CMPK2: variants seen among roughly 807,000 people sequenced by gnomAD.
CMPK2 encodes UMP-CMP kinase 2, mitochondrial.
Under a neutral mutation model 33.4 loss-of-function variants are expected in CMPK2, and 32 were observed. The observed-to-expected ratio is 0.96, with a 90% CI of 0.72 to 1.29. CMPK2 has a LOEUF of 1.29. Among genes scored for constraint, CMPK2 ranks in the 50% most tolerant of loss-of-function variants. The pLI is 0.00. For missense variants in CMPK2, 672 were observed against 616.0 expected (o/e 1.09, Z -0.96); for synonymous variants, 299 against 275.3 (o/e 1.09, Z -0.85).
downstream of CMPK2, among the ~76,000 whole-genome samples, chr2:6,846,905 A>G (rs577799849): frequency 6.6e-6 from 1 of 152,360 alleles, no homozygotes; most frequent in Admixed American, 6.5e-5. Flanking sequence ...AATCTTACCA[A>G]TGCACCAAGA....
chr2:6,853,210 A>G (rs1447554325), intron 3 of CMPK2, among the ~76,000 whole-genome samples: 2 of 152,156 alleles, frequency 1.3e-5, no homozygotes, highest in Non-Finnish European at 2.9e-5. Context: ...TTGGCCTCTC[A>G]AAGTGCTGGA....
upstream of CMPK2, chr2:6,866,261 C>T (rs1286123621): frequency 4.0e-5 from 9 of 222,734 alleles, no homozygotes; most frequent in South Asian, 1.2e-4. Context: ...GGGCTCCCTC[C>T]CCGACCTCAA....
At chr2:6,859,706 G>T (rs1662817224) in intron 3 of CMPK2, among the ~76,000 whole-genome samples, 1 of 152,246 alleles carries the variant, frequency 6.6e-6, no homozygotes, top group Non-Finnish European at 1.5e-5. Context: ...TGTCCAGGCA[G>T]AAGTTTGCTA....
chr2:6,860,663 G>A (rs377369759), intron 3 of CMPK2, among the ~76,000 whole-genome samples: 60 of 152,268 alleles, frequency 3.9e-4, no homozygotes, highest in Non-Finnish European at 7.5e-4. Context: ...GTAAATTGCC[G>A]AATCTCGGGT....
At position 6,865,654 on chromosome 2, in the gene CMPK2, G is replaced by A. The variant is rs1663056948; in HGVS notation, c.43C>T (p.Pro15Ser). The change falls in exon 1 of 5, where the codon CCG (proline) becomes TCG (serine). Residue 15 changes from proline (P) to serine (S), a missense_variant. Pro to Ser is a moderately conservative substitution (Grantham distance 74). Coordinates refer to ENST00000256722, the MANE Select transcript of CMPK2 (RefSeq NM_207315.4). ...CAGACCCCGCGCCGCCCGAGCAGCGGCCCCGACAGTGGCCCGCGCAGGAGC... is the reference window on the plus strand; with the variant it reads ...CAGACCCCGCGCCGCCCGAGCAGCGACCCCGACAGTGGCCCGCGCAGGAGC... The part of the protein sequence containing the change: ...RRLLRGPLSG[P>S]LLGRRGVCAG... 15 of 1,333,964 alleles carry A rather than the reference G, an allele frequency of 1.1e-5. No homozygotes were observed. The highest frequency in any genetic ancestry group is 1.4e-5 in the Non-Finnish European group (15 of 1,049,482). 82.6% of individuals were successfully genotyped at this position (1,333,964 alleles called of 1,614,324 possible). A position where few individuals can be genotyped will look rare whatever the true frequency, so the allele number is the denominator to read the frequency against.
downstream of CMPK2, among the ~76,000 whole-genome samples, chr2:6,843,932 C>A (rs1000836318): frequency 6.6e-6 from 1 of 152,164 alleles, no homozygotes; most frequent in Non-Finnish European, 1.5e-5. Flanking sequence ...ATAGTAATGG[C>A]AGTTCGAGTT....
downstream of CMPK2, among the ~76,000 whole-genome samples, chr2:6,846,020 C>T (rs757668651): frequency 2.0e-4 from 30 of 151,816 alleles, no homozygotes; most frequent in Admixed American, 5.9e-4. Flanking sequence ...GATAGAGGAA[C>T]GTAAAAGGGA....
rs1270457341 is a variant in CMPK2, at chr2:6,865,795, CA to C, written c.-100del. On this transcript the variant is annotated 5_prime_UTR_variant, in exon 1 of 5. Coordinates refer to ENST00000256722, the MANE Select transcript of CMPK2 (RefSeq NM_207315.4). ...ACGAAACCCGGAGGGAGCCAGGCGC[CA>C]GCGGGAAACGAAAGCGAAGCGTTGC... is the stretch of plus-strand genomic sequence containing the variant. The C allele has an allele frequency of 1.6e-6, 2 of 1,261,624 alleles. No individual in the cohort carries two copies. The highest frequency in any genetic ancestry group is 2.0e-6 in the Non-Finnish European group (2 of 1,002,642). The allele number at this position is 1,261,624 out of a possible 1,614,324, so 78.2% of individuals were successfully genotyped here. A position where few individuals can be genotyped will look rare whatever the true frequency, so the allele number is the denominator to read the frequency against.
At chr2:6,854,775 T>C (rs1289549786) in intron 3 of CMPK2, among the ~76,000 whole-genome samples, 3 of 152,164 alleles carry the variant, frequency 2.0e-5, no homozygotes, top group Admixed American at 6.5e-5. Context: ...AGCAATTTCC[T>C]ATTTTCAGGG....
chr2:6,848,522 A>C lies in CMPK2; in HGVS notation c.*1328T>G. On this transcript the variant is annotated 3_prime_UTR_variant, in exon 5 of 5. Transcript: ENST00000256722. ...TTCAACTGAAATCAATTACATTTTA[A>C]TATACACATATTATATAGAAATTAC... is the stretch of plus-strand genomic sequence containing the variant. 5 of 955,574 alleles carry C rather than the reference A, an allele frequency of 5.2e-6. No homozygotes were observed. The South Asian group carries it at 2.4e-4, about 46-fold the overall frequency. 59.2% of individuals were successfully genotyped at this position (955,574 alleles called of 1,614,324 possible). A position where few individuals can be genotyped will look rare whatever the true frequency, so the allele number is the denominator to read the frequency against.
At chr2:6,861,429 A>G (rs1050075105) in intron 2 of CMPK2, 44 bp from the exon 3 acceptor site, 26 of 1,471,750 alleles carry the variant, frequency 1.8e-5, no homozygotes, top group Non-Finnish European at 2.5e-5. Context: ...CCACAGCCCC[A>G]AAGTTAACAT....
intron 3 of CMPK2, among the ~76,000 whole-genome samples, chr2:6,842,130 T>C (rs6758745): frequency 0.93 from 141,588 of 152,216 alleles, 66,059 homozygotes; most frequent in East Asian, 0.98. Flanking sequence ...AGAACTTTAC[T>C]TGTAAAGACA....
In CMPK2 at chr2:6,865,042, C is replaced by A. The variant is rs758387571; in HGVS notation, c.655G>T (p.Ala219Ser). ...SSVVFPDREA[A>S]RAVLEECTSF... is the part of the protein sequence containing the mutation. The stretch of plus-strand genomic sequence containing the variant: ...CTTACCTCCTCCAAAACGGCCCGGG[C>A]GGCTTCCCGGTCCGGGAAGACCACG... Residue 219 changes from alanine (A) to serine (S), a missense_variant, in exon 1 of 5, where the codon GCC (alanine) becomes TCC (serine). Physicochemically the swap from Ala to Ser is moderately conservative, Grantham distance 99 (BLOSUM62 1). Coordinates refer to ENST00000256722, the MANE Select transcript of CMPK2 (RefSeq NM_207315.4). 14 of 1,429,724 alleles carry A rather than the reference C, an allele frequency of 9.8e-6. No individual in the cohort carries two copies. The Admixed American group carries it at 2.3e-4, about 24-fold the overall frequency. The allele number at this position is 1,429,724 out of a possible 1,614,324, so 88.6% of individuals were successfully genotyped here. A position where few individuals can be genotyped will look rare whatever the true frequency, so the allele number is the denominator to read the frequency against.
At chr2:6,860,378 G>A (rs994645051) in intron 3 of CMPK2, among the ~76,000 whole-genome samples, 2 of 152,192 alleles carry the variant, frequency 1.3e-5, no homozygotes, top group African/African-American at 4.8e-5. Context: ...ATATGGTTTG[G>A]CTGTGTCCCC....
At chr2:6,866,139 G>C (rs751532420), upstream of CMPK2, 2 of 215,206 alleles carry the variant, frequency 9.3e-6, no homozygotes, top group African/African-American at 4.8e-5. Context: ...GAGGGGGGCG[G>C]GGGTGCACGC....
chr2:6,853,782 G>A (rs1230088155), intron 3 of CMPK2, among the ~76,000 whole-genome samples: 1 of 152,038 alleles, frequency 6.6e-6, no homozygotes, highest in African/African-American at 2.4e-5. Context: ...GGCACCTGTA[G>A]TCCCAGCTAC....
Position 6,849,656 on chromosome 2 carries a change from A to C in CMPK2, c.*194T>G. 7.0e-7 allele frequency: 1 copy of C among 1,419,600 alleles called. No individual in the cohort carries two copies. The allele number at this position is 1,419,600 out of a possible 1,614,324, so 87.9% of individuals were successfully genotyped here. On this transcript the variant is annotated 3_prime_UTR_variant, in exon 5 of 5. Coordinates refer to ENST00000256722, the MANE Select transcript of CMPK2 (RefSeq NM_207315.4). ...CTCTCACTGGAACATGATGAGAGGG[A>C]CCTTTGTGATGACGGGTCCATCAGT... is the stretch of plus-strand genomic sequence containing the variant.
At position 6,848,540 on chromosome 2, in the gene CMPK2, G is replaced by A; in HGVS notation, c.*1310C>T. 2.1e-6 allele frequency: 2 copies of A among 950,066 alleles called. No individual in the cohort carries two copies. The highest frequency in any genetic ancestry group is 2.5e-6 in the Non-Finnish European group (2 of 797,916). 58.9% of individuals were successfully genotyped at this position (950,066 alleles called of 1,614,324 possible). A position where few individuals can be genotyped will look rare whatever the true frequency, so the allele number is the denominator to read the frequency against. ...CATTTTAATATACACATATTATATAGAAATTACCTATAGCTCTTTTAAAAA... is the reference window on the plus strand; with the variant it reads ...CATTTTAATATACACATATTATATAAAAATTACCTATAGCTCTTTTAAAAA... On this transcript the variant is annotated 3_prime_UTR_variant, in exon 5 of 5. Coordinates refer to ENST00000256722, the MANE Select transcript of CMPK2 (RefSeq NM_207315.4).
rs1158356849 is a variant in CMPK2, at chr2:6,865,051, G to C, written c.646C>G (p.Arg216Gly). 1 of 1,435,686 alleles carries C rather than the reference G, an allele frequency of 7.0e-7. No homozygotes were observed. The highest frequency in any genetic ancestry group is 9.1e-7 in the Non-Finnish European group (1 of 1,093,498). The allele number at this position is 1,435,686 out of a possible 1,614,324, so 88.9% of individuals were successfully genotyped here. A position where few individuals can be genotyped will look rare whatever the true frequency, so the allele number is the denominator to read the frequency against. Reference sequence around the variant, plus strand: ...TCCAAAACGGCCCGGGCGGCTTCCCGGTCCGGGAAGACCACGGAACTGGGC... The same window carrying C: ...TCCAAAACGGCCCGGGCGGCTTCCCCGTCCGGGAAGACCACGGAACTGGGC... ...DLPSSVVFPDREAARAVLEEC... is the reference protein window; with the variant it reads ...DLPSSVVFPDGEAARAVLEEC... The change falls in exon 1 of 5, where the codon CGG (arginine) becomes GGG (glycine). Residue 216 changes from arginine (R) to glycine (G), a missense_variant. By Grantham distance (125) the Arg-to-Gly change is moderately radical. Coordinates refer to ENST00000256722, the MANE Select transcript of CMPK2 (RefSeq NM_207315.4).
Sources: allele counts gnomAD v4.1 joint callset (sites outside exome capture counted in the v4.1 genomes callset), GRCh38; gene constraint gnomAD v4.1.1; transcripts MANE v1.5; gene names NCBI Gene and HGNC (gene_info 2026-07-23, HGNC 2026-07-21).